The following PPARGC1A variants were observed in gnomAD, a reference collection of about 807,000 sequenced individuals.
The protein encoded by PPARGC1A is peroxisome proliferator-activated receptor gamma coactivator 1-alpha.
Under a neutral mutation model 88.7 loss-of-function variants are expected in PPARGC1A, and 25 were observed. The observed-to-expected ratio is 0.28, with a 90% CI of 0.21 to 0.39. The LOEUF (loss-of-function observed/expected upper bound fraction) is 0.39. PPARGC1A is among the 10% of genes least tolerant of loss of function. The pLI is 1.00. For missense variants in PPARGC1A, 880 were observed against 968.7 expected (o/e 0.91, Z 1.22); for synonymous variants, 363 against 355.6 (o/e 1.02, Z -0.24).
At chr4:24,081,105 G>A in the PPARGC1A span, among the ~76,000 whole-genome samples, 3 of 152,012 alleles carry the variant, frequency 2.0e-5, no homozygotes, top group Non-Finnish European at 4.4e-5. Flanking sequence ...GTTATGTGTG[G>A]ACACCAAAAT....
chr4:23,819,108 A>G (rs1443767009), intron 7 of PPARGC1A, among the ~76,000 whole-genome samples: 1 of 151,880 alleles, frequency 6.6e-6, no homozygotes, highest in African/African-American at 2.4e-5. Context: ...GGGTGTCAAG[A>G]GTGCAGAGGG....
chr4:24,060,717 T>G, the PPARGC1A span, among the ~76,000 whole-genome samples: 1 of 152,210 alleles, frequency 6.6e-6, no homozygotes, highest in Non-Finnish European at 1.5e-5. Context: ...TCAAATGAAA[T>G]CTTTCTTTGT....
the PPARGC1A span, among the ~76,000 whole-genome samples, chr4:24,069,801 G>A: frequency 3.3e-5 from 5 of 152,294 alleles, no homozygotes; most frequent in Middle Eastern, 3.4e-3. Flanking sequence ...AGTAGATTCC[G>A]AGGAATTTGA....
chr4:24,449,611 T>A, the PPARGC1A span, among the ~76,000 whole-genome samples: 2 of 152,206 alleles, frequency 1.3e-5, no homozygotes, highest in African/African-American at 4.8e-5. Flanking sequence ...TCCTCTGACT[T>A]GTGATTGAAA....
chr4:24,096,409 G>T, the PPARGC1A span, among the ~76,000 whole-genome samples: 1 of 152,156 alleles, frequency 6.6e-6, no homozygotes, highest in Non-Finnish European at 1.5e-5. Context: ...AATCAACTCG[G>T]TCAACAAACC....
At chr4:24,264,429 G>C in the PPARGC1A span, among the ~76,000 whole-genome samples, 2 of 152,330 alleles carry the variant, frequency 1.3e-5, no homozygotes, top group Non-Finnish European at 1.5e-5. Context: ...CACAGGAGCA[G>C]AAAAGGTGCC....
chr4:23,884,548 T>A (rs892782254), intron 2 of PPARGC1A: 1 of 475,106 alleles, frequency 2.1e-6, no homozygotes, highest in Non-Finnish European at 3.6e-6. Context: ...AGTTGATTTA[T>A]TTTTTAAATC....
chr4:23,810,762 A>G (rs1484855018), intron 10 of PPARGC1A, among the ~76,000 whole-genome samples: 1 of 152,182 alleles, frequency 6.6e-6, no homozygotes, highest in East Asian at 1.9e-4. Context: ...TTTATAAAAT[A>G]TAAATTTGCA....
At chr4:24,019,528 A>G in the PPARGC1A span, among the ~76,000 whole-genome samples, 1 of 152,210 alleles carries the variant, frequency 6.6e-6, no homozygotes, top group African/African-American at 2.4e-5. Context: ...TCCACATTTC[A>G]AAGTATTCTG....
chr4:23,977,509 T>C, the PPARGC1A span, among the ~76,000 whole-genome samples: 1 of 152,198 alleles, frequency 6.6e-6, no homozygotes, highest in Non-Finnish European at 1.5e-5. Context: ...TATATAGGGC[T>C]ACAATGAGAG....
chr4:24,216,372 A>T, the PPARGC1A span, among the ~76,000 whole-genome samples: 129,639 of 151,950 alleles, frequency 0.85, 55,611 homozygotes, highest in Middle Eastern at 0.94. Context: ...GGTCTCAAAC[A>T]CCTGGGCTCA....
the PPARGC1A span, among the ~76,000 whole-genome samples, chr4:24,471,960 C>G: frequency 6.6e-6 from 1 of 152,184 alleles, no homozygotes. The surrounding 1 kb of genome is among the most constrained non-coding windows in gnomAD (Gnocchi z 5.4). Flanking sequence ...GGCTCTGCAG[C>G]CCCTCGGCGC....
chr4:23,863,278 C>A (rs990726863), intron 2 of PPARGC1A, among the ~76,000 whole-genome samples: 1 of 152,262 alleles, frequency 6.6e-6, no homozygotes, highest in East Asian at 1.9e-4. Context: ...TCTAAGATAA[C>A]CTTTCTTCGC....
chr4:24,423,517 A>C, the PPARGC1A span, among the ~76,000 whole-genome samples: 2 of 151,846 alleles, frequency 1.3e-5, no homozygotes, highest in Non-Finnish European at 2.9e-5. Context: ...AGTTATGACT[A>C]TCAAAGCAAG....
At chr4:24,103,225 G>A in the PPARGC1A span, among the ~76,000 whole-genome samples, 1 of 152,116 alleles carries the variant, frequency 6.6e-6, no homozygotes, top group Non-Finnish European at 1.5e-5. Context: ...CCTTGGCCGA[G>A]TGGGTAGTTC....
chr4:24,455,346 T>C, the PPARGC1A span, among the ~76,000 whole-genome samples: 1 of 152,220 alleles, frequency 6.6e-6, no homozygotes, highest in Admixed American at 6.5e-5. Context: ...CTGGGCTTTG[T>C]GGCTTGCGCC....
At chr4:24,236,361 C>T in the PPARGC1A span, among the ~76,000 whole-genome samples, 1 of 152,152 alleles carries the variant, frequency 6.6e-6, no homozygotes, top group Non-Finnish European at 1.5e-5. Flanking sequence ...TGAAATCTGT[C>T]ATCAGCAATG....
At chr4:24,109,298 TACACAC>T in the PPARGC1A span, among the ~76,000 whole-genome samples, 5,611 of 131,790 alleles carry the variant, frequency 0.043, 133 homozygotes, top group Middle Eastern at 0.075. Flanking sequence ...CATTTCATTA[TACACAC>T]ACACACACAC....
rs11290186 is a variant in PPARGC1A, at chr4:23,814,619, T to TAAAAAAAAA, written c.878-23_878-15dup. The TAAAAAAAAA allele has an allele frequency of 9.2e-7, 1 of 1,090,796 alleles. No individual in the cohort carries two copies. The allele number at this position is 1,090,796 out of a possible 1,614,324, so 67.6% of individuals were successfully genotyped here. A position where few individuals can be genotyped will look rare whatever the true frequency, so the allele number is the denominator to read the frequency against. On this transcript the variant is annotated splice_polypyrimidine_tract_variant and intron_variant, in intron 7 of 12. Coordinates refer to ENST00000264867, the MANE Select transcript of PPARGC1A (RefSeq NM_013261.5). ...GTGGAGTTAGGCCTAAGGCAAAAAT[T>TAAAAAAAAA]AAAAAAAAAAAAAAAAAGAGAGAGA... is the stretch of plus-strand genomic sequence containing the variant.
Sources: allele counts gnomAD v4.1 joint callset (sites outside exome capture counted in the v4.1 genomes callset), GRCh38; gene constraint gnomAD v4.1.1; non-coding constraint Gnocchi (gnomAD v3.1); transcripts MANE v1.5; gene names NCBI Gene and HGNC (gene_info 2026-07-23, HGNC 2026-07-21).